Variants in CHD7 observed in about 807,000 individuals in gnomAD.
CHD7 encodes ATP-dependent chromatin remodeler CHD7.
In CHD7, 24 loss-of-function variants were observed where a neutral mutation model predicts 307.3. The ratio of observed to expected loss-of-function variants is 0.08; its 90% CI spans 0.06 to 0.11. The LOEUF (loss-of-function observed/expected upper bound fraction) is 0.11. Among genes scored for constraint, CHD7 ranks in the 10% least tolerant of loss-of-function variants. The pLI, the probability that CHD7 is intolerant of heterozygous loss-of-function variation, is 1.00. For synonymous variants in CHD7, 1,363 were observed against 1,349.9 expected (o/e 1.01, Z -0.21); for missense variants, 3,106 against 3,727.1 (o/e 0.83, Z 4.34).
intron 1 of CHD7, among the ~76,000 whole-genome samples, chr8:60,702,382 CT>C (rs1806807943): frequency 6.6e-6 from 1 of 152,090 alleles, no homozygotes; most frequent in African/African-American, 2.4e-5. Flanking sequence ...CTACTTTTTA[CT>C]TTGGTGTAAA....
Position 60,740,179 on chromosome 8 carries a change from G to C in CHD7, c.-174-1080G>C, listed in dbSNP as rs1314545108. On this transcript the variant is annotated intron_variant, in intron 1 of 37. Coordinates refer to ENST00000423902, the MANE Select transcript of CHD7 (RefSeq NM_017780.4). Reference sequence around the variant, plus strand: ...GCATGTTACATAGTGTACACAGTGCGCTGGAAGCACGTAGGGTGCGAACAC... The same window carrying C: ...GCATGTTACATAGTGTACACAGTGCCCTGGAAGCACGTAGGGTGCGAACAC... Among the ~76,000 whole-genome samples, 3 of 152,322 alleles carry C rather than the reference G, an allele frequency of 2.0e-5. No homozygotes were observed. The East Asian group carries it at 5.8e-4, about 29-fold the overall frequency.
intron 7 of CHD7, among the ~76,000 whole-genome samples, chr8:60,810,890 G>A (rs1360414256): frequency 6.6e-6 from 1 of 152,170 alleles, no homozygotes; most frequent in Admixed American, 6.5e-5. Flanking sequence ...GGAGGTGAGC[G>A]GCAGGCGACT....
intron 2 of CHD7, among the ~76,000 whole-genome samples, chr8:60,743,410 C>T (rs1809159759): frequency 6.6e-6 from 1 of 152,214 alleles, no homozygotes; most frequent in Non-Finnish European, 1.5e-5. Flanking sequence ...TTCCTTCTCT[C>T]AATTCTTCTT....
Position 60,724,156 on chromosome 8 carries a change from G to A in CHD7, c.-174-17103G>A, listed in dbSNP as rs1004528619. Among the ~76,000 whole-genome samples the A allele has an allele frequency of 1.1e-4, 16 of 152,342 alleles. No homozygotes were observed. The South Asian group carries it at 2.9e-3, about 28-fold the overall frequency. ...TCATTATCTGGGGAGGTAGTTCGTC[G>A]GGGGTTTGCTCCACAGCCTTCCTGT... On this transcript the variant is annotated intron_variant, in intron 1 of 37. Coordinates refer to ENST00000423902, the MANE Select transcript of CHD7 (RefSeq NM_017780.4).
chr8:60,728,260 T>C (rs1808268429), intron 1 of CHD7, among the ~76,000 whole-genome samples: 1 of 152,254 alleles, frequency 6.6e-6, no homozygotes, highest in African/African-American at 2.4e-5. Flanking sequence ...TGAAAAGGTG[T>C]CATCAGTGTG....
At chr8:60,767,572 T>C (rs1810530767) in intron 2 of CHD7, among the ~76,000 whole-genome samples, 1 of 152,232 alleles carries the variant, frequency 6.6e-6, no homozygotes, top group African/African-American at 2.4e-5. Context: ...TGGTGGTGGA[T>C]ATCTGTGCTG....
intron 3 of CHD7, among the ~76,000 whole-genome samples, chr8:60,786,825 G>A (rs1037589855): frequency 2.0e-5 from 3 of 152,160 alleles, no homozygotes; most frequent in Non-Finnish European, 4.4e-5. Flanking sequence ...CTGTACAAAT[G>A]CAGTTTGCAC....
Position 60,714,038 on chromosome 8 carries a change from T to G in CHD7, c.-174-27221T>G, listed in dbSNP as rs542243044. 1.3e-4 allele frequency among the ~76,000 whole-genome samples: 20 copies of G among 149,948 alleles called. No homozygotes were observed. In the South Asian group the frequency reaches 4.2e-3, roughly 32 times the overall value. Reference sequence around the variant, plus strand: ...ATGCCTTCATTCCAAAACCCCAGATTCAGACTCCCAGGGCTGCTTAGGGGG... The same window carrying G: ...ATGCCTTCATTCCAAAACCCCAGATGCAGACTCCCAGGGCTGCTTAGGGGG... On this transcript the variant is annotated intron_variant, in intron 1 of 37. Transcript: ENST00000423902.
chr8:60,854,774 A>G (rs1352674475), intron 32 of CHD7, among the ~76,000 whole-genome samples: 1 of 152,246 alleles, frequency 6.6e-6, no homozygotes, highest in Non-Finnish European at 1.5e-5. Flanking sequence ...GTGTATATGG[A>G]TTGATCTTTG....
At chr8:60,861,200 C>A in intron 35 of CHD7, 75 bp downstream of exon 35, 3 of 1,125,544 alleles carry the variant, frequency 2.7e-6, no homozygotes, top group Non-Finnish European at 3.8e-6. Flanking sequence ...ACATAGAAAT[C>A]CCTGACAGCT....
intron 15 of CHD7, among the ~76,000 whole-genome samples, chr8:60,833,729 C>T (rs949589294): frequency 6.6e-6 from 1 of 152,196 alleles, no homozygotes; most frequent in African/African-American, 2.4e-5. Context: ...ACGGAACCAA[C>T]AAAGTGTTTT....
chr8:60,728,096 A>T lies in CHD7; in HGVS notation c.-174-13163A>T, dbSNP rs760094367. 3.3e-5 allele frequency among the ~76,000 whole-genome samples: 5 copies of T among 152,232 alleles called. No individual in the cohort carries two copies. The East Asian group carries it at 5.8e-4, about 18-fold the overall frequency. On this transcript the variant is annotated intron_variant, in intron 1 of 37. Coordinates refer to ENST00000423902, the MANE Select transcript of CHD7 (RefSeq NM_017780.4). ...CTTTCTCTTCCAGTCTGTGCTCCAC[A>T]GTTTAGTAAAATGCACAACTCTCTT...
intron 8 of CHD7, among the ~76,000 whole-genome samples, chr8:60,817,333 T>G (rs1366470653): frequency 6.6e-6 from 1 of 152,256 alleles, no homozygotes; most frequent in Non-Finnish European, 1.5e-5. Flanking sequence ...TAGTATCTGT[T>G]TAACAACCTA....
chr8:60,684,759 A>T (rs1275068331), intron 1 of CHD7, among the ~76,000 whole-genome samples: 1 of 152,162 alleles, frequency 6.6e-6, no homozygotes, highest in Non-Finnish European at 1.5e-5. Context: ...AGTAGGAACC[A>T]CTGATGAGTG....
intron 6 of CHD7, among the ~76,000 whole-genome samples, chr8:60,806,631 C>T (rs1284776609): frequency 2.0e-5 from 3 of 152,112 alleles, no homozygotes; most frequent in African/African-American, 4.8e-5. Flanking sequence ...ATGGCACAAC[C>T]AGATATTAAT....
chr8:60,766,716 T>C (rs1285028955), intron 2 of CHD7, among the ~76,000 whole-genome samples: 1 of 152,238 alleles, frequency 6.6e-6, no homozygotes, highest in African/African-American at 2.4e-5. Context: ...TGGCTTCTGC[T>C]ACTGGTGCAG....
chr8:60,820,095 C>A lies in CHD7; in HGVS notation c.2697+5C>A. 2 of 1,588,722 alleles carry A rather than the reference C, an allele frequency of 1.3e-6. No homozygotes were observed. The highest frequency in any genetic ancestry group is 1.7e-6 in the Non-Finnish European group (2 of 1,160,980). ...AGCACAGATGACCGGGGAGAGGTAACAGGAGATCATTTGTATTACAAAGTG... is the reference window on the plus strand; with the variant it reads ...AGCACAGATGACCGGGGAGAGGTAAAAGGAGATCATTTGTATTACAAAGTG... On this transcript the variant is annotated splice_donor_5th_base_variant and intron_variant, in intron 9 of 37. Coordinates refer to ENST00000423902, the MANE Select transcript of CHD7 (RefSeq NM_017780.4).
chr8:60,750,092 G>A (rs1237332953), intron 2 of CHD7, among the ~76,000 whole-genome samples: 2 of 152,296 alleles, frequency 1.3e-5, no homozygotes, highest in East Asian at 3.8e-4. Context: ...TCGCTCCTTA[G>A]ATGGCTTTTA....
At chr8:60,679,521 C>G (rs1216261891) in intron 1 of CHD7, 5 of 147,534 alleles carry the variant, frequency 3.4e-5, no homozygotes, top group Admixed American at 1.3e-4. Flanking sequence ...GCGCCGAGCA[C>G]GAGTTGCCGG....
Sources: allele counts gnomAD v4.1 joint callset (sites outside exome capture counted in the v4.1 genomes callset), GRCh38; gene constraint gnomAD v4.1.1; transcripts MANE v1.5; gene names NCBI Gene and HGNC (gene_info 2026-07-23, HGNC 2026-07-21).